The following MYO18B variants were observed in gnomAD, a reference collection of about 807,000 sequenced individuals.
The protein encoded by MYO18B is unconventional myosin-XVIIIb.
MYO18B carries 204 observed loss-of-function variants against 273.0 expected under a neutral mutation model. The observed-to-expected ratio is 0.75, with a 90% CI of 0.67 to 0.84. The LOEUF is 0.84. MYO18B is among the 40% of genes least tolerant of loss of function. The pLI, the probability that MYO18B is intolerant of heterozygous loss-of-function variation, is 0.00. For missense variants in MYO18B, 3,212 were observed against 3,287.6 expected, an observed-to-expected ratio of 0.98 and a Z score of 0.56; for synonymous variants, 1,330 against 1,305.7, an observed-to-expected ratio of 1.02 and a Z score of -0.40.
At chr22:25,842,330 C>T (rs980845101) in intron 17 of MYO18B, among the ~76,000 whole-genome samples, 1 of 152,254 alleles carries the variant, frequency 6.6e-6, no homozygotes, top group Admixed American at 6.5e-5. Flanking sequence ...AAAGTAAGAT[C>T]GTTCCGAATA....
rs1327602213 is a variant in MYO18B, at chr22:25,908,411, C to T, written c.5238C>T (p.Val1746=). 9.4e-6 allele frequency: 15 copies of T among 1,595,848 alleles called. No individual in the cohort carries two copies. The highest frequency in any genetic ancestry group is 4.0e-5 in the African/African-American group (3 of 74,606). ...REDQEEELED[V]RQSCQKRLHQ... ...ACCAGGAGGAGGAACTGGAGGATGT[C>T]CGTCAGTCCTGCCAGAAGCGGGTAC... Residue 1746 remains valine, a synonymous_variant, in exon 32 of 44, where the codon GTC becomes GTT. Transcript: ENST00000335473.
chr22:25,828,896 C>T lies in MYO18B; in HGVS notation c.2907C>T (p.Asn969=), dbSNP rs1212340357. ...RAATFEELCH[N]YAHERLQLLF... ...CCACCTTTGAGGAGCTGTGCCACAA[C>T]TACGCCCATGAGCGCCTGCAGCTGC... is the stretch of plus-strand genomic sequence containing the variant. The change falls in exon 15 of 44, where the codon AAC becomes AAT. Residue 969 remains asparagine, a synonymous_variant. Transcript: ENST00000335473. 1 of 1,614,060 alleles carries T rather than the reference C, an allele frequency of 6.2e-7. No homozygotes were observed. Among genetic ancestry groups the T allele is most frequent in the South Asian group, 1.1e-5 (1 of 91,080 alleles).
intron 33 of MYO18B, 24 bp downstream of exon 33, chr22:25,911,074 ATTCAGAGGAG>A (rs1281956097): frequency 1.3e-6 from 2 of 1,545,068 alleles, no homozygotes; most frequent in African/African-American, 2.7e-5. Flanking sequence ...ATTGGCAGAC[ATTCAGAGGAG>A]TATCTCAGGG....
the MYO18B span, among the ~76,000 whole-genome samples, chr22:26,048,013 C>T: frequency 1.3e-5 from 2 of 152,084 alleles, no homozygotes; most frequent in African/African-American, 4.8e-5. Flanking sequence ...TTCTCATGGC[C>T]GGCTCCTTCT....
Position 25,955,164 on chromosome 22 carries a change from C to T in MYO18B, c.5971-15C>T. ...CTCCAACTCCAAGGTGGGCATGTGT[C>T]TCTGCCCCTCCCAGGTCCTGGTGAT... On this transcript the variant is annotated splice_polypyrimidine_tract_variant and intron_variant, in intron 38 of 43. Coordinates refer to ENST00000335473, the MANE Select transcript of MYO18B (RefSeq NM_032608.7). 2 of 1,584,406 alleles carry T rather than the reference C, an allele frequency of 1.3e-6. No homozygotes were observed. The highest frequency in any genetic ancestry group is 8.6e-7 in the Non-Finnish European group (1 of 1,163,580).
intron 41 of MYO18B, among the ~76,000 whole-genome samples, chr22:26,004,084 T>C (rs1276012422): frequency 6.6e-6 from 1 of 151,370 alleles, no homozygotes; most frequent in Non-Finnish European, 1.5e-5. Context: ...TAAAAAACTA[T>C]ATATTATAAT....
At chr22:26,003,707 A>C (rs1934184409) in intron 41 of MYO18B, among the ~76,000 whole-genome samples, 1 of 152,072 alleles carries the variant, frequency 6.6e-6, no homozygotes, top group South Asian at 2.1e-4. Context: ...CTTCCACCCA[A>C]AATTCCGTTC....
chr22:25,829,561 C>T (rs2089630625), intron 15 of MYO18B, among the ~76,000 whole-genome samples: 1 of 150,328 alleles, frequency 6.7e-6, no homozygotes, highest in African/African-American at 2.4e-5. Context: ...AATATAAGGC[C>T]AGGCACGGTG....
At chr22:25,912,867 G>A (rs1020816525) in intron 33 of MYO18B, among the ~76,000 whole-genome samples, 1 of 152,154 alleles carries the variant, frequency 6.6e-6, no homozygotes, top group Non-Finnish European at 1.5e-5. Context: ...GCCACATGCA[G>A]CAATATGATT....
chr22:25,915,506 G>A (rs183434333), intron 33 of MYO18B, among the ~76,000 whole-genome samples: 11 of 152,248 alleles, frequency 7.2e-5, no homozygotes, highest in African/African-American at 2.6e-4. Flanking sequence ...GGTATTATAA[G>A]CTTATGGGAC....
intron 42 of MYO18B, among the ~76,000 whole-genome samples, chr22:26,005,608 A>G (rs186567895): frequency 9.2e-5 from 14 of 152,192 alleles, no homozygotes; most frequent in Non-Finnish European, 1.6e-4. Context: ...TCTTGTAATT[A>G]GGAGTTAATG....
chr22:26,026,734 G>A lies in MYO18B; in HGVS notation c.6760G>A (p.Val2254Met), dbSNP rs780958841. 30 of 1,613,328 alleles carry A rather than the reference G, an allele frequency of 1.9e-5. No individual in the cohort carries two copies. Among genetic ancestry groups the A allele is most frequent in the Admixed American group, 5.0e-5 (3 of 59,950 alleles). ...PSPSAALSEFVEGLRRKRAQR... is the reference protein window; with the variant it reads ...PSPSAALSEFMEGLRRKRAQR... Reference sequence around the variant, plus strand: ...TCCTTCAGCGGCCCTCTCGGAGTTCGTGGAAGGGCTCCGGAGGAAGAGAGC... The same window carrying A: ...TCCTTCAGCGGCCCTCTCGGAGTTCATGGAAGGGCTCCGGAGGAAGAGAGC... Residue 2254 changes from valine (V) to methionine (M), a missense_variant, in exon 43 of 44, where the codon GTG becomes ATG. Transcript: ENST00000335473.
chr22:25,775,377 C>T (rs1211754111), intron 7 of MYO18B, among the ~76,000 whole-genome samples: 1 of 152,212 alleles, frequency 6.6e-6, no homozygotes, highest in Non-Finnish European at 1.5e-5. Context: ...AGGGCCATCA[C>T]ACCAGGGTTT....
chr22:26,025,793 T>C (rs1279844915), intron 42 of MYO18B, among the ~76,000 whole-genome samples: 1 of 152,234 alleles, frequency 6.6e-6, no homozygotes, highest in Non-Finnish European at 1.5e-5. Context: ...AAAGTGTTTT[T>C]GGCGCTGCTG....
At chr22:25,936,975 G>A (rs1601620838) in intron 34 of MYO18B, among the ~76,000 whole-genome samples, 1 of 152,168 alleles carries the variant, frequency 6.6e-6, no homozygotes, top group African/African-American at 2.4e-5. Flanking sequence ...ACAGAATTCT[G>A]TCTCTGGCAA....
chr22:25,759,971 T>C (rs997171238), intron 1 of MYO18B, among the ~76,000 whole-genome samples: 1 of 152,198 alleles, frequency 6.6e-6, no homozygotes, highest in Non-Finnish European at 1.5e-5. Flanking sequence ...ATCAAAATTT[T>C]CTAAGGCTCT....
At chr22:26,047,061 A>C in the MYO18B span, among the ~76,000 whole-genome samples, 4 of 151,250 alleles carry the variant, frequency 2.6e-5, no homozygotes, top group Middle Eastern at 3.2e-3. Flanking sequence ...AGGTTACAGA[A>C]CTCCAAAGGC....
At chr22:26,017,340 C>T (rs1177849694) in intron 42 of MYO18B, among the ~76,000 whole-genome samples, 1 of 150,188 alleles carries the variant, frequency 6.7e-6, no homozygotes, top group Non-Finnish European at 1.5e-5. Flanking sequence ...CATTTTCCTT[C>T]TTCCTTCCTT....
intron 21 of MYO18B, among the ~76,000 whole-genome samples, chr22:25,861,117 C>G (rs12166167): frequency 0.043 from 6,488 of 152,210 alleles, 280 homozygotes; most frequent in African/African-American, 0.11. Context: ...CTCCTGGGCT[C>G]CAGCAATCCT....
Sources: gnomAD v4.1 joint callset for allele counts (sites outside exome capture counted in the v4.1 genomes callset) on GRCh38, gnomAD v4.1.1 for gene constraint, MANE v1.5 for transcripts, NCBI Gene and HGNC (gene_info 2026-07-23, HGNC 2026-07-21) for gene names.